The following DPP10 variants were observed in gnomAD, a reference collection of about 807,000 sequenced individuals.
DPP10 encodes the protein inactive dipeptidyl peptidase 10.
DPP10 carries 33 observed loss-of-function variants against 120.9 expected under a neutral mutation model. That is an observed-to-expected ratio of 0.27 (90% CI 0.21 to 0.37). The LOEUF (loss-of-function observed/expected upper bound fraction) is 0.37, where lower values mean the gene tolerates loss of function less well. Among genes scored for constraint, DPP10 ranks in the 10% least tolerant of loss-of-function variants. The pLI, the probability that DPP10 is intolerant of heterozygous loss-of-function variation, is 1.00. For synonymous variants in DPP10, 337 were observed against 326.1 expected, an observed-to-expected ratio of 1.03 and a Z score of -0.36; for missense variants, 816 against 942.8, an observed-to-expected ratio of 0.87 and a Z score of 1.76.
intron 5 of DPP10, among the ~76,000 whole-genome samples, chr2:115,689,360 A>C (rs976245532): frequency 6.6e-6 from 1 of 152,224 alleles, no homozygotes; most frequent in Non-Finnish European, 1.5e-5. Flanking sequence ...AAAAGCCAAA[A>C]TAACAAAATT....
intron 3 of DPP10, among the ~76,000 whole-genome samples, chr2:115,365,238 C>T (rs2065011450): frequency 6.6e-6 from 1 of 152,046 alleles, no homozygotes; most frequent in African/African-American, 2.4e-5. Flanking sequence ...CTCTGCATGA[C>T]AGCGGGGCAG....
At chr2:114,996,040 A>T (rs920338724) in intron 1 of DPP10, among the ~76,000 whole-genome samples, 1 of 152,194 alleles carries the variant, frequency 6.6e-6, no homozygotes, top group East Asian at 1.9e-4. Context: ...GGCCCCCCTC[A>T]TGAAGGACTT....
chr2:114,716,762 A>C (rs17784852), intron 1 of DPP10, among the ~76,000 whole-genome samples: 7,092 of 152,302 alleles, frequency 0.047, 240 homozygotes, highest in Non-Finnish European at 0.065. Flanking sequence ...TGTTCAAAAG[A>C]GAATGGGTTA....
At chr2:115,108,500 C>T (rs946969522) in intron 1 of DPP10, among the ~76,000 whole-genome samples, 1 of 152,186 alleles carries the variant, frequency 6.6e-6, no homozygotes, top group African/African-American at 2.4e-5. Flanking sequence ...CAGTTAAATG[C>T]AGGTAAGCAA....
chr2:114,763,566 A>T lies in DPP10; in HGVS notation c.60+320728A>T, dbSNP rs1680459154. Reference sequence around the variant, plus strand: ...AAGTAAATCTTTGCATTTTACAAAGATTTTTTTTTAAAGCCAATATAAGGA... The same window carrying T: ...AAGTAAATCTTTGCATTTTACAAAGTTTTTTTTTTAAAGCCAATATAAGGA... On this transcript the variant is annotated intron_variant, in intron 1 of 25. Transcript: ENST00000410059. 2.0e-5 allele frequency among the ~76,000 whole-genome samples: 3 copies of T among 151,870 alleles called. No individual in the cohort carries two copies. The South Asian group carries it at 6.3e-4, about 32-fold the overall frequency.
intron 3 of DPP10, among the ~76,000 whole-genome samples, chr2:115,397,106 G>C (rs1017554779): frequency 2.0e-5 from 3 of 152,174 alleles, no homozygotes; most frequent in Non-Finnish European, 4.4e-5. Flanking sequence ...TTGTCTTAGT[G>C]ACTTGATCAC....
chr2:114,926,411 C>T (rs915446362), intron 1 of DPP10, among the ~76,000 whole-genome samples: 3 of 152,154 alleles, frequency 2.0e-5, no homozygotes, highest in Non-Finnish European at 4.4e-5. Flanking sequence ...TGCTTATGTT[C>T]CAGTCCTTAA....
intron 19 of DPP10, among the ~76,000 whole-genome samples, chr2:115,794,642 T>G (rs1223201398): frequency 6.6e-6 from 1 of 152,148 alleles, no homozygotes. Flanking sequence ...GAGTTTGCTG[T>G]GGTCTCTACG....
At position 115,845,002 on chromosome 2, in the gene DPP10, T is replaced by A. The variant is rs1690500652; in HGVS notation, c.*2657T>A. On this transcript the variant is annotated 3_prime_UTR_variant, in exon 26 of 26. Transcript: ENST00000410059. The stretch of plus-strand genomic sequence containing the variant: ...TCACTTCACTCTGAAAATGTGCCTT[T>A]TTTTAATTGGGTGTTTAGCATAAAA... 1 of 152,222 alleles carries A rather than the reference T, an allele frequency of 6.6e-6. No homozygotes were observed. Among genetic ancestry groups the A allele is most frequent in the African/African-American group, 2.4e-5 (1 of 41,468 alleles). 9.4% of individuals were successfully genotyped at this position (152,222 alleles called of 1,614,324 possible). A position where few individuals can be genotyped will look rare whatever the true frequency, so the allele number is the denominator to read the frequency against.
chr2:114,837,041 C>T (rs1203002981), intron 1 of DPP10, among the ~76,000 whole-genome samples: 1 of 152,054 alleles, frequency 6.6e-6, no homozygotes, highest in East Asian at 1.9e-4. Context: ...AACACACATG[C>T]TCTAAAATTT....
intron 24 of DPP10, among the ~76,000 whole-genome samples, chr2:115,840,311 G>GTTGTTT (rs1689961087): frequency 3.0e-5 from 1 of 33,242 alleles, no homozygotes; most frequent in African/African-American, 9.0e-5. Flanking sequence ...CAGATATAAG[G>GTTGTTT]TTTTTTGGTT....
At chr2:115,297,927 A>G (rs1383379441) in intron 1 of DPP10, among the ~76,000 whole-genome samples, 2 of 152,014 alleles carry the variant, frequency 1.3e-5, no homozygotes, top group African/African-American at 4.8e-5. Context: ...TCTTTCAACC[A>G]CAATTTATAG....
intron 5 of DPP10, among the ~76,000 whole-genome samples, chr2:115,544,115 A>G (rs1472542903): frequency 6.6e-6 from 1 of 151,992 alleles, no homozygotes; most frequent in Non-Finnish European, 1.5e-5. Context: ...TGAGATAGTA[A>G]AAACTGAGGA....
chr2:115,585,339 T>C (rs905432439), intron 5 of DPP10, among the ~76,000 whole-genome samples: 1 of 152,182 alleles, frequency 6.6e-6, no homozygotes, highest in African/African-American at 2.4e-5. Context: ...ATCCAGATAA[T>C]GGCATGTTGA....
At chr2:115,401,748 G>T (rs2068088641) in intron 3 of DPP10, among the ~76,000 whole-genome samples, 1 of 152,002 alleles carries the variant, frequency 6.6e-6, no homozygotes, top group Non-Finnish European at 1.5e-5. Context: ...CTGCATTCCA[G>T]AGTTGGTATG....
intron 5 of DPP10, among the ~76,000 whole-genome samples, chr2:115,554,012 C>G (rs1458637087): frequency 2.7e-5 from 4 of 146,616 alleles, no homozygotes; most frequent in South Asian, 2.1e-4. Context: ...CACACACACA[C>G]ACACACACAC....
intron 1 of DPP10, among the ~76,000 whole-genome samples, chr2:114,801,311 T>G (rs539265844): frequency 3.5e-5 from 5 of 142,200 alleles, no homozygotes; most frequent in African/African-American, 1.3e-4. Context: ...GTACAGAAGA[T>G]AGAAGAAAAT....
At chr2:115,088,324 A>T (rs777301013) in intron 1 of DPP10, among the ~76,000 whole-genome samples, 9 of 152,208 alleles carry the variant, frequency 5.9e-5, no homozygotes, top group Non-Finnish European at 1.2e-4. Context: ...AGAAATGTCT[A>T]TAGTGCTTTT....
At chr2:115,029,315 T>C (rs1703682751) in intron 1 of DPP10, among the ~76,000 whole-genome samples, 1 of 152,038 alleles carries the variant, frequency 6.6e-6, no homozygotes, top group African/African-American at 2.4e-5. Flanking sequence ...TTTCGATAGA[T>C]TAGTTTTTTC....
Sources: allele counts gnomAD v4.1 joint callset (sites outside exome capture counted in the v4.1 genomes callset), GRCh38; gene constraint gnomAD v4.1.1; transcripts MANE v1.5; gene names NCBI Gene and HGNC (gene_info 2026-07-23, HGNC 2026-07-21).